The following HSPA8 variants were observed in gnomAD, a reference collection of about 807,000 sequenced individuals.
The protein encoded by HSPA8 is heat shock protein family A (Hsp70) member 8, also known as heat shock cognate 71 kDa protein.
A neutral mutation model predicts 52.8 loss-of-function variants in HSPA8; 2 were observed. The ratio of observed to expected loss-of-function variants is 0.04; its 90% CI spans 0.02 to 0.12. The LOEUF is 0.12. HSPA8 is among the 10% of genes least tolerant of loss of function. The pLI, the probability that HSPA8 is intolerant of heterozygous loss-of-function variation, is 1.00. For missense variants in HSPA8, 349 were observed against 800.5 expected, an observed-to-expected ratio of 0.44 and a Z score of 6.81; for synonymous variants, 436 against 274.0, an observed-to-expected ratio of 1.59 and a Z score of -5.84.
At chr11:123,058,862 G>A (rs375700185) in intron 6 of HSPA8, 32 bp from the exon 7 acceptor site, 3 of 1,593,408 alleles carry the variant, frequency 1.9e-6, no homozygotes, top group Admixed American at 1.7e-5. Context: ...TTACTACAAT[G>A]GACTCCAGGT....
At chr11:123,058,204 TC>T in intron 8 of HSPA8, 47 bp downstream of exon 8, 2 of 1,116,976 alleles carry the variant, frequency 1.8e-6, no homozygotes, top group Non-Finnish European at 1.3e-6. Context: ...ACCATCCCCT[TC>T]CCCTCCATTG....
chr11:123,057,740 A>T lies in HSPA8; in HGVS notation c.1935T>A (p.Val645=), dbSNP rs373523144. The part of the protein sequence containing the change: ...GASSGPTIEE[V]D Reference sequence around the variant, plus strand: ...ACATCTACACTTGGTTGGCTTAATCAACCTCTTCAATGGTGGGCCCTGAGG... The same window carrying T: ...ACATCTACACTTGGTTGGCTTAATCTACCTCTTCAATGGTGGGCCCTGAGG... The change falls in exon 9 of 9, where the codon GTT becomes GTA. Residue 645 remains valine (V), a synonymous_variant. Transcript: ENST00000534624. 2.5e-6 allele frequency: 4 copies of T among 1,606,382 alleles called. No homozygotes were observed.
chr11:123,058,835 G>A lies in HSPA8; in HGVS notation c.1324-5C>T. On this transcript the variant is annotated splice_polypyrimidine_tract_variant and splice_region_variant and intron_variant, in intron 6 of 8. Transcript: ENST00000534624. The stretch of plus-strand genomic sequence containing the variant: ...GGCACGCTCGCCTTCATAAACCTTG[G>A]TAGGAAATAAAACAAATTACTACAA... 1.2e-6 allele frequency: 2 copies of A among 1,613,774 alleles called. No individual in the cohort carries two copies. Among genetic ancestry groups the A allele is most frequent in the Non-Finnish European group, 1.7e-6 (2 of 1,179,764 alleles).
rs369121302 is a variant in HSPA8 at position 123,059,040 on chromosome 11, GAGAAGTAC to G, written c.1323+11_1323+18del. On this transcript the variant is annotated intron_variant, in intron 6 of 8. Transcript: ENST00000534624. ...TATCTGTTATCAGTAAGCCAAACAA[GAGAAGTAC>G]AGAAACATACCTGAATAAGCACACC... 2.6e-4 allele frequency: 410 copies of G among 1,602,604 alleles called. 1 individual carries two copies. In the African/African-American group the frequency reaches 4.9e-3, roughly 19 times the overall value.
In HSPA8 at chr11:123,059,459, G is replaced by T; in HGVS notation, c.1120+14C>A. The T allele has an allele frequency of 6.2e-7, 1 of 1,604,016 alleles. No individual in the cohort carries two copies. The highest frequency in any genetic ancestry group is 8.5e-7 in the Non-Finnish European group (1 of 1,173,540). ...CCTGCCTGCCTTTAGGGTTAATTGA[G>T]ATACCATTGTTACCTGCACCATAAG... On this transcript the variant is annotated intron_variant, in intron 5 of 8. Coordinates refer to ENST00000534624, the MANE Select transcript of HSPA8 (RefSeq NM_006597.6).
At chr11:123,060,525 G>T in intron 3 of HSPA8, 68 bp downstream of exon 3, 1 of 1,229,756 alleles carries the variant, frequency 8.1e-7, no homozygotes, top group Non-Finnish European at 1.2e-6. Context: ...CCAGGTGCCA[G>T]TGCCCCCGGG....
intron 5 of HSPA8, 81 bp downstream of exon 5, chr11:123,059,392 A>G: frequency 7.1e-7 from 1 of 1,403,224 alleles, no homozygotes; most frequent in Non-Finnish European, 9.8e-7. Flanking sequence ...GGTGGAAACT[A>G]CGAATGTTTA....
chr11:123,058,853 T>TA (rs1865397069), intron 6 of HSPA8, 23 bp from the exon 7 acceptor site: 1 of 1,604,500 alleles, frequency 6.2e-7, no homozygotes, highest in Non-Finnish European at 8.5e-7. Flanking sequence ...TAAAACAAAT[T>TA]ACTACAATGG....
chr11:123,058,601 C>CTG (rs1486349066), intron 7 of HSPA8, 31 bp downstream of exon 7: 3 of 1,594,438 alleles, frequency 1.9e-6, no homozygotes, highest in Admixed American at 1.7e-5. Context: ...ACCATTATCC[C>CTG]TGTCAAGACC....
At chr11:123,062,189 G>A (rs1456771683), upstream of HSPA8, 1 of 152,542 alleles carries the variant, frequency 6.6e-6, no homozygotes, top group Admixed American at 6.5e-5. Context: ...GAACCTTCCA[G>A]AAGGGGCCCG....
Position 123,060,222 on chromosome 11 carries a change from G to C in HSPA8, c.458C>G (p.Ser153Cys). The C allele has an allele frequency of 6.2e-7, 1 of 1,613,936 alleles. No individual in the cohort carries two copies. The highest frequency in any genetic ancestry group is 8.5e-7 in the Non-Finnish European group (1 of 1,179,940). ...VVTVPAYFND[S>C]QRQATKDAGT... ...AGCATCTTTGGTAGCCTGACGCTGA[G>C]AGTCATTAAAGTAAGCTGGCACTGT... The change falls in exon 4 of 9, where the codon TCT becomes TGT. Residue 153 changes from serine to cysteine, a missense_variant. By Grantham distance (112) the Ser-to-Cys change is moderately radical. Transcript: ENST00000534624.
upstream of HSPA8, chr11:123,062,370 CT>C (rs1865540414): frequency 6.6e-6 from 1 of 152,428 alleles, no homozygotes; most frequent in Non-Finnish European, 1.5e-5. Context: ...AACTTTCAAG[CT>C]CGCCCCCGCT....
In HSPA8 at chr11:123,061,144, T is replaced by C. The variant is rs1865487323; in HGVS notation, c.181A>G (p.Met61Val). 1.2e-6 allele frequency: 2 copies of C among 1,613,836 alleles called. No homozygotes were observed. The highest frequency in any genetic ancestry group is 8.5e-7 in the Non-Finnish European group (1 of 1,179,818). The change falls in exon 2 of 9, where the codon ATG (methionine) becomes GTG (valine). Residue 61 changes from methionine (M) to valine (V), a missense_variant. Met to Val is a conservative substitution (Grantham distance 21). Transcript: ENST00000534624. ...IGDAAKNQVA[M>V]NPTNTVFDAK... ...CCAAAAACTGTGTTGGTGGGGTTCA[T>C]TGCAACTTGATTCTTTGCGGCATCA...
At chr11:123,058,083 A>G (rs1416689478) in intron 8 of HSPA8, 164 bp from the exon 9 acceptor site, 1 of 713,896 alleles carries the variant, frequency 1.4e-6, no homozygotes, top group South Asian at 1.9e-5. Context: ...TGGGTCACTC[A>G]GACATCCAAG....
chr11:123,058,020 A>C, intron 8 of HSPA8, 101 bp from the exon 9 acceptor site: 2 of 933,024 alleles, frequency 2.1e-6, no homozygotes, highest in Non-Finnish European at 3.3e-6. Context: ...GCAAACTCTT[A>C]CAAGAGGGCC....
rs1292788285 is a variant in HSPA8, at chr11:123,057,489, T to C, written c.*245A>G. Reference sequence around the variant, plus strand: ...GAGATTATTTAAAGACTCAAAGCAATTGTATGGTGCCAATTTTAAATAGTT... The same window carrying C: ...GAGATTATTTAAAGACTCAAAGCAACTGTATGGTGCCAATTTTAAATAGTT... On this transcript the variant is annotated 3_prime_UTR_variant, in exon 9 of 9. Coordinates refer to ENST00000534624, the MANE Select transcript of HSPA8 (RefSeq NM_006597.6). 5.1e-6 allele frequency: 2 copies of C among 394,698 alleles called. No homozygotes were observed. Among genetic ancestry groups the C allele is most frequent in the South Asian group, 5.1e-5 (1 of 19,562 alleles). 24.4% of individuals were successfully genotyped at this position (394,698 alleles called of 1,614,324 possible).
chr11:123,058,005 C>A, intron 8 of HSPA8, 86 bp from the exon 9 acceptor site: 2 of 1,094,444 alleles, frequency 1.8e-6, no homozygotes, highest in Non-Finnish European at 2.6e-6. Context: ...TACTAAAAGT[C>A]TGGCGCAAAC....
rs1865439107 is a variant in HSPA8, at chr11:123,059,825, G to A, written c.768C>T (p.Asn256=). The change falls in exon 5 of 9, where the codon AAC becomes AAT. Residue 256 remains asparagine (N), a synonymous_variant. Transcript: ENST00000534624. ...KRKHKKDISE[N]KRAVRRLRTA... ...TACGGAGGCGTCTTACAGCTCTCTTGTTCTCACTGATGTCCTTCTTATGCT... is the reference window on the plus strand; with the variant it reads ...TACGGAGGCGTCTTACAGCTCTCTTATTCTCACTGATGTCCTTCTTATGCT... 5 of 1,613,554 alleles carry A rather than the reference G, an allele frequency of 3.1e-6. No homozygotes were observed. The highest frequency in any genetic ancestry group is 4.2e-6 in the Non-Finnish European group (5 of 1,179,842).
intron 1 of HSPA8, 86 bp from the exon 2 acceptor site, chr11:123,061,415 C>G (rs10892958): frequency 0.23 from 239,142 of 1,037,656 alleles, 30,804 homozygotes; most frequent in African/African-American, 0.47. Context: ...CCAGGAAAAA[C>G]GTATGGCCAC....
Sources: allele counts gnomAD v4.1 joint callset, GRCh38; gene constraint gnomAD v4.1.1; transcripts MANE v1.5; gene names NCBI Gene and HGNC (gene_info 2026-07-23, HGNC 2026-07-21).